Variants in RAD50 observed in about 807,000 individuals in gnomAD.
RAD50 encodes the protein RAD50 double strand break repair protein.
In RAD50, 132 loss-of-function variants were observed where a neutral mutation model predicts 168.8. The ratio of observed to expected loss-of-function variants is 0.78; its 90% CI spans 0.68 to 0.90. RAD50 has a LOEUF of 0.90. Ranked by LOEUF, RAD50 falls within the 40% of genes least tolerant of loss-of-function variation. The pLI is 0.00. For missense variants in RAD50, 1,347 were observed against 1,534.4 expected (o/e 0.88, Z 2.04); for synonymous variants, 525 against 497.4 (o/e 1.06, Z -0.74).
At chr5:132,592,661 A>G (rs966816108) in intron 11 of RAD50, 14 of 289,410 alleles carry the variant, frequency 4.8e-5, no homozygotes, top group East Asian at 1.6e-4. Context: ...AGCATCCCCA[A>G]CAACTGTTGC....
In RAD50 at chr5:132,614,654, T is replaced by C. The variant is rs542488829; in HGVS notation, c.3037-1349T>C. 1.2e-4 allele frequency among the ~76,000 whole-genome samples: 19 copies of C among 152,288 alleles called. No individual in the cohort carries two copies. The South Asian group carries it at 3.9e-3, about 32-fold the overall frequency. ...ATATGTAAATGATACGTAGTTTTTA[T>C]ATTGTATTATTTTAAATTTGTATTT... is the stretch of plus-strand genomic sequence containing the variant. On this transcript the variant is annotated intron_variant, in intron 19 of 24. Coordinates refer to ENST00000378823, the MANE Select transcript of RAD50 (RefSeq NM_005732.4).
chr5:132,588,162 C>T, intron 7 of RAD50, 73 bp downstream of exon 7: 1 of 1,509,160 alleles, frequency 6.6e-7, no homozygotes, highest in South Asian at 1.1e-5. Flanking sequence ...TGAAGAATCT[C>T]CAAGGACTTA....
rs1033334368 is a variant in RAD50, at chr5:132,643,743, G to A, written c.*1379G>A. On this transcript the variant is annotated 3_prime_UTR_variant, in exon 25 of 25. Coordinates refer to ENST00000378823, the MANE Select transcript of RAD50 (RefSeq NM_005732.4). ...GGTGGGGTGGGGGGGGGTCCTAAAT[G>A]TAATCACGAGTAAGATTAAGAGCAA... is the stretch of plus-strand genomic sequence containing the variant. 7.2e-5 allele frequency: 16 copies of A among 223,692 alleles called. No homozygotes were observed. The Admixed American group carries it at 9.4e-4, about 13-fold the overall frequency. 13.9% of individuals were successfully genotyped at this position (223,692 alleles called of 1,614,324 possible).
At chr5:132,581,160 G>C (rs1228124283) in intron 5 of RAD50, among the ~76,000 whole-genome samples, 1 of 152,018 alleles carries the variant, frequency 6.6e-6, no homozygotes, top group Non-Finnish European at 1.5e-5. Context: ...GAGTGCAGTG[G>C]CACGATCTCG....
chr5:132,592,913 G>A (rs1170036555), intron 11 of RAD50: 9 of 470,094 alleles, frequency 1.9e-5, no homozygotes, highest in East Asian at 1.4e-4. Context: ...CAAGTAGAAC[G>A]TTTACTCAAC....
intron 9 of RAD50, 51 bp from the exon 10 acceptor site, chr5:132,591,173 T>A (rs1750689841): frequency 2.0e-6 from 3 of 1,514,002 alleles, no homozygotes; most frequent in Non-Finnish European, 2.8e-6. Flanking sequence ...ATTATTTTAA[T>A]TCTTGCACAA....
At chr5:132,637,068 ATAAT>A in intron 21 of RAD50, 43 bp from the exon 22 acceptor site, 1 of 1,456,136 alleles carries the variant, frequency 6.9e-7, no homozygotes, top group South Asian at 1.3e-5. Flanking sequence ...ACTATTACAC[ATAAT>A]TATTTTTTAT....
chr5:132,618,629 C>T (rs1041764376), intron 21 of RAD50, among the ~76,000 whole-genome samples: 5 of 152,162 alleles, frequency 3.3e-5, no homozygotes, highest in African/African-American at 9.7e-5. Flanking sequence ...CCACCCGCCT[C>T]GGCCTCCCAA....
chr5:132,589,200 G>C (rs1444556753), intron 8 of RAD50, among the ~76,000 whole-genome samples: 2 of 152,102 alleles, frequency 1.3e-5, no homozygotes, highest in Non-Finnish European at 2.9e-5. Flanking sequence ...ATACAGTCTT[G>C]AACCACATGT....
intron 2 of RAD50, among the ~76,000 whole-genome samples, chr5:132,567,576 A>G (rs1439396369): frequency 1.3e-5 from 2 of 152,232 alleles, no homozygotes; most frequent in Admixed American, 6.5e-5. Context: ...AGAAATCTGC[A>G]TAAGGATCTT....
intron 2 of RAD50, among the ~76,000 whole-genome samples, chr5:132,567,904 C>T (rs568866668): frequency 3.3e-5 from 5 of 152,014 alleles, no homozygotes; most frequent in African/African-American, 7.3e-5. Context: ...CCTACTCAGT[C>T]GAAGCTCTCA....
At chr5:132,642,086 T>C in intron 24 of RAD50, 92 bp from the exon 25 acceptor site, 2 of 1,358,106 alleles carry the variant, frequency 1.5e-6, no homozygotes, top group Non-Finnish European at 2.1e-6. Flanking sequence ...ACAGCACAAG[T>C]TCATGTGTCT....
chr5:132,596,931 AGAG>A (rs1750801840), intron 13 of RAD50, among the ~76,000 whole-genome samples: 2 of 152,218 alleles, frequency 1.3e-5, no homozygotes, highest in Admixed American at 1.3e-4. Context: ...TGCAAAGGGA[AGAG>A]GAGTATGACC....
intron 11 of RAD50, chr5:132,593,333 T>A (rs1750737363): frequency 6.5e-6 from 1 of 153,288 alleles, no homozygotes; most frequent in African/African-American, 2.4e-5. Context: ...AACAAGTTAG[T>A]ATGAGTTTGT....
rs140534680 is a variant in RAD50, at chr5:132,590,736, A to G, written c.1453-488A>G. ...ATCTTGATAATTTATGTAAACATTT[A>G]TTTTTGCTCCATAACTCACCATTGT... On this transcript the variant is annotated intron_variant, in intron 9 of 24. Coordinates refer to ENST00000378823, the MANE Select transcript of RAD50 (RefSeq NM_005732.4). 8.9e-3 allele frequency among the ~76,000 whole-genome samples: 1,356 copies of G among 152,230 alleles called. 6 individuals carry two copies. Among genetic ancestry groups the G allele is most frequent in the Non-Finnish European group, 0.011 (724 of 68,016 alleles).
chr5:132,623,942 A>G, intron 21 of RAD50, among the ~76,000 whole-genome samples: 1 of 152,244 alleles, frequency 6.6e-6, no homozygotes, highest in East Asian at 1.9e-4. Flanking sequence ...TATTTTTGGC[A>G]TATACAAGTT....
chr5:132,638,945 G>T (rs538071532), intron 23 of RAD50, among the ~76,000 whole-genome samples: 1 of 152,336 alleles, frequency 6.6e-6, no homozygotes, highest in East Asian at 1.9e-4. Context: ...CAAGGCAGAA[G>T]ATTACACTTG....
chr5:132,573,178 G>C lies in RAD50; in HGVS notation c.214-2599G>C, dbSNP rs372344924. On this transcript the variant is annotated intron_variant, in intron 2 of 24. Coordinates refer to ENST00000378823, the MANE Select transcript of RAD50 (RefSeq NM_005732.4). ...AACTTACTCTCATGTGGTTTGGGGGGCAGGAAAGCTATGTATACTGTAGTT... is the reference window on the plus strand; with the variant it reads ...AACTTACTCTCATGTGGTTTGGGGGCCAGGAAAGCTATGTATACTGTAGTT... 4.6e-5 allele frequency among the ~76,000 whole-genome samples: 7 copies of C among 152,246 alleles called. No homozygotes were observed. The East Asian group carries it at 7.7e-4, about 17-fold the overall frequency.
chr5:132,636,381 G>A (rs1340774490), intron 21 of RAD50, among the ~76,000 whole-genome samples: 1 of 152,186 alleles, frequency 6.6e-6, no homozygotes, highest in East Asian at 1.9e-4. Flanking sequence ...GGACTAAGTG[G>A]AATTTAGTGC....
Sources: gnomAD v4.1 joint callset for allele counts (sites outside exome capture counted in the v4.1 genomes callset) on GRCh38, gnomAD v4.1.1 for gene constraint, MANE v1.5 for transcripts, NCBI Gene and HGNC (gene_info 2026-07-23, HGNC 2026-07-21) for gene names.